Variants in SMCO3 observed in about 807,000 individuals in gnomAD.
SMCO3 encodes the protein single-pass membrane protein with coiled-coil domains 3.
Under a neutral mutation model 12.0 loss-of-function variants are expected in SMCO3, and 6 were observed. The observed-to-expected ratio is 0.50, with a 90% CI of 0.27 to 0.99. SMCO3 has a LOEUF of 0.99. SMCO3 is among the 50% of genes least tolerant of loss of function. The probability of loss-of-function intolerance (pLI) is 0.11; values close to 1 mark genes in which losing one functional copy is unlikely to be tolerated. For missense variants in SMCO3, 279 were observed against 265.0 expected, an observed-to-expected ratio of 1.05 and a Z score of -0.37; for synonymous variants, 96 against 96.4, an observed-to-expected ratio of 1.00 and a Z score of 0.02.
In SMCO3 at chr12:14,805,138, G is replaced by A. The variant is rs1217388610; in HGVS notation, c.*865C>T. ...CCTCCTTTTTGCTAGTGTTGAAAAT[G>A]AAATTATATTCTTTTTTCTGAAAGC... On this transcript the variant is annotated 3_prime_UTR_variant, in exon 2 of 2. Coordinates refer to ENST00000316048, the MANE Select transcript of SMCO3 (RefSeq NM_001013698.2). 6.6e-6 allele frequency: 1 copy of A among 152,212 alleles called. No individual in the cohort carries two copies. The highest frequency in any genetic ancestry group is 1.9e-4 in the East Asian group (1 of 5,198). 9.4% of individuals were successfully genotyped at this position (152,212 alleles called of 1,614,324 possible).
intron 1 of SMCO3, among the ~76,000 whole-genome samples, chr12:14,810,712 A>G (rs1268891781): frequency 6.6e-6 from 1 of 152,202 alleles, no homozygotes; most frequent in African/African-American, 2.4e-5. Flanking sequence ...AAGGTTAACA[A>G]TTTGTAACCT....
chr12:14,808,906 C>T (rs1179741250), intron 1 of SMCO3, among the ~76,000 whole-genome samples: 1 of 152,196 alleles, frequency 6.6e-6, no homozygotes, highest in East Asian at 1.9e-4. Flanking sequence ...TAAATATTCT[C>T]TAAACTTACA....
rs759286011 is a variant in SMCO3 at position 14,805,970 on chromosome 12, G to A, written c.*33C>T. On this transcript the variant is annotated 3_prime_UTR_variant, in exon 2 of 2. Transcript: ENST00000316048. ...AAACACTGTTACTGAAAAGGAAGCA[G>A]AAAAACACTTCAGTGGCAAATAAAA... 6.4e-7 allele frequency: 1 copy of A among 1,557,844 alleles called. No individual in the cohort carries two copies.
intron 1 of SMCO3, among the ~76,000 whole-genome samples, chr12:14,807,752 C>G (rs1950075821): frequency 6.6e-6 from 1 of 152,160 alleles, no homozygotes; most frequent in African/African-American, 2.4e-5. Context: ...TGTGATTATT[C>G]TCCATTTGCA....
rs1017883579 is a variant in SMCO3, at chr12:14,806,330, A to C, written c.351T>G (p.Ile117Met). The change falls in exon 2 of 2, where the codon ATT becomes ATG. Residue 117 changes from isoleucine to methionine, a missense_variant. Coordinates refer to ENST00000316048, the MANE Select transcript of SMCO3 (RefSeq NM_001013698.2). ...ATGTAGCTTCTCCCAGGATGACCGAAATAACCTTTTGCACTATTGCAATTT... is the reference window on the plus strand; with the variant it reads ...ATGTAGCTTCTCCCAGGATGACCGACATAACCTTTTGCACTATTGCAATTT... ...TDKIAIVQKVISVILGEATSA... is the reference protein window; with the variant it reads ...TDKIAIVQKVMSVILGEATSA... The C allele has an allele frequency of 2.0e-5, 32 of 1,614,104 alleles. No individual in the cohort carries two copies. The highest frequency in any genetic ancestry group is 2.7e-5 in the Non-Finnish European group (32 of 1,180,048).
At chr12:14,813,206 C>T (rs1477944613) in intron 1 of SMCO3, among the ~76,000 whole-genome samples, 1 of 152,168 alleles carries the variant, frequency 6.6e-6, no homozygotes, top group African/African-American at 2.4e-5. Flanking sequence ...AAACGTGACC[C>T]TGTCTAAACC....
At position 14,806,274 on chromosome 12, in the gene SMCO3, A is replaced by C; in HGVS notation, c.407T>G (p.Val136Gly). The C allele has an allele frequency of 3.1e-6, 5 of 1,614,254 alleles. No homozygotes were observed. Among genetic ancestry groups the C allele is most frequent in the Non-Finnish European group, 4.2e-6 (5 of 1,180,044 alleles). ...TATGCCAGTTGTGACATTTGAGCCC[A>C]CAAGTTTAACAGCGACTGCACTGGC... Reference protein sequence around the residue: ...SAASAVAVKLVGSNVTTGIIN... With the variant: ...SAASAVAVKLGGSNVTTGIIN... Residue 136 changes from valine to glycine, a missense_variant, in exon 2 of 2, where the codon GTG (valine) becomes GGG (glycine). Transcript: ENST00000316048.
At chr12:14,807,852 A>T (rs1316149877) in intron 1 of SMCO3, among the ~76,000 whole-genome samples, 1 of 152,174 alleles carries the variant, frequency 6.6e-6, no homozygotes, top group Non-Finnish European at 1.5e-5. Context: ...CAGAAAAAAA[A>T]TGCCATTTTA....
At chr12:14,806,739 A>C (rs757440130) in intron 1 of SMCO3, 43 bp from the exon 2 acceptor site, 3 of 1,504,906 alleles carry the variant, frequency 2.0e-6, no homozygotes, top group African/African-American at 1.4e-5. Flanking sequence ...GTCTTAAAAA[A>C]TGTCTGCTAA....
chr12:14,808,265 A>G (rs7137874), intron 1 of SMCO3, among the ~76,000 whole-genome samples: 32,226 of 152,114 alleles, frequency 0.21, 3,893 homozygotes, highest in African/African-American at 0.33. Flanking sequence ...CCTAACAGTC[A>G]TGCTCTTCTG....
Position 14,805,809 on chromosome 12 carries a change from C to T in SMCO3, c.*194G>A. On this transcript the variant is annotated 3_prime_UTR_variant, in exon 2 of 2. Transcript: ENST00000316048. ...TTTTTTACCTCACAGGGTCTAGCAT[C>T]AGCTGATCCAGGCATTGTTGACTCA... 1.6e-6 allele frequency: 1 copy of T among 637,564 alleles called. No homozygotes were observed. Among genetic ancestry groups the T allele is most frequent in the Non-Finnish European group, 2.6e-6 (1 of 379,132 alleles). The allele number at this position is 637,564 out of a possible 1,614,324, so 39.5% of individuals were successfully genotyped here. A position where few individuals can be genotyped will look rare whatever the true frequency, so the allele number is the denominator to read the frequency against.
At chr12:14,813,440 A>G (rs535451096) in intron 1 of SMCO3, among the ~76,000 whole-genome samples, 43 of 152,344 alleles carry the variant, frequency 2.8e-4, no homozygotes, top group African/African-American at 9.9e-4. Flanking sequence ...TTTAATTAAA[A>G]CAAAAATTGA....
intron 1 of SMCO3, among the ~76,000 whole-genome samples, chr12:14,813,113 C>T (rs909515039): frequency 3.3e-5 from 5 of 152,054 alleles, no homozygotes; most frequent in African/African-American, 9.7e-5. Context: ...GTTATGGGTA[C>T]ATGGGAGTTT....
chr12:14,812,383 G>T (rs1950154397), intron 1 of SMCO3, among the ~76,000 whole-genome samples: 1 of 152,176 alleles, frequency 6.6e-6, no homozygotes, highest in Non-Finnish European at 1.5e-5. Context: ...GGCAGAGCTT[G>T]CAGTGAGCCG....
At chr12:14,807,279 T>C (rs946966096) in intron 1 of SMCO3, among the ~76,000 whole-genome samples, 8 of 152,370 alleles carry the variant, frequency 5.3e-5, no homozygotes, top group Non-Finnish European at 1.0e-4. Context: ...CAAGCATCTG[T>C]TTATTAATAA....
chr12:14,808,946 C>T (rs1950095726), intron 1 of SMCO3, among the ~76,000 whole-genome samples: 1 of 152,182 alleles, frequency 6.6e-6, no homozygotes, highest in African/African-American at 2.4e-5. Flanking sequence ...TTGCTAAGCA[C>T]AGATTTGGAC....
chr12:14,807,380 G>GTT (rs1330733449), intron 1 of SMCO3, among the ~76,000 whole-genome samples: 3 of 152,122 alleles, frequency 2.0e-5, no homozygotes, highest in Admixed American at 2.0e-4. Context: ...GTGCTCCTTA[G>GTT]TTTCCCGAAC....
chr12:14,806,813 AG>A (rs1265343098), intron 1 of SMCO3, 117 bp from the exon 2 acceptor site: 3 of 944,398 alleles, frequency 3.2e-6, no homozygotes, highest in Non-Finnish European at 4.7e-6. Context: ...ATGCTGTCTA[AG>A]GATAATTCCT....
At position 14,805,877 on chromosome 12, in the gene SMCO3, C is replaced by G. The variant is rs1950039642; in HGVS notation, c.*126G>C. 1 of 976,650 alleles carries G rather than the reference C, an allele frequency of 1.0e-6. No individual in the cohort carries two copies. Among genetic ancestry groups the G allele is most frequent in the African/African-American group, 1.6e-5 (1 of 60,860 alleles). The allele number at this position is 976,650 out of a possible 1,614,324, so 60.5% of individuals were successfully genotyped here. On this transcript the variant is annotated 3_prime_UTR_variant, in exon 2 of 2. Transcript: ENST00000316048. ...TAGTCTTGGCATCTCCAGTTTCCCT[C>G]TCCAAATTGTTTATCTTATTTAAGT...
Sources: gnomAD v4.1 joint callset for allele counts (sites outside exome capture counted in the v4.1 genomes callset) on GRCh38, gnomAD v4.1.1 for gene constraint, MANE v1.5 for transcripts, NCBI Gene and HGNC (gene_info 2026-07-23, HGNC 2026-07-21) for gene names.